The following METTL4 variants were observed in gnomAD, a reference collection of about 807,000 sequenced individuals.
The protein encoded by METTL4 is methyltransferase 4, N6-adenosine.
A neutral mutation model predicts 54.0 loss-of-function variants in METTL4; 40 were observed. The observed-to-expected ratio is 0.74, with a 90% CI of 0.58 to 0.96. METTL4 has a LOEUF of 0.96. Ranked by LOEUF, METTL4 falls within the 50% of genes least tolerant of loss-of-function variation. METTL4 has a pLI of 0.00. For missense variants in METTL4, 525 were observed against 549.0 expected (o/e 0.96, Z 0.44); for synonymous variants, 169 against 183.8 (o/e 0.92, Z 0.65).
intron 3 of METTL4, among the ~76,000 whole-genome samples, chr18:2,562,709 T>G (rs1451866725): frequency 6.6e-6 from 1 of 151,892 alleles, no homozygotes; most frequent in Non-Finnish European, 1.5e-5. Context: ...ATATGAAATA[T>G]CTACCATAGG....
intron 5 of METTL4, among the ~76,000 whole-genome samples, chr18:2,552,415 T>C (rs58168145): frequency 0.099 from 15,112 of 152,170 alleles, 1,310 homozygotes; most frequent in African/African-American, 0.23. Flanking sequence ...TAGAATTTGA[T>C]ATCAAAGAAG....
At chr18:2,558,858 C>A (rs541427348) in intron 3 of METTL4, among the ~76,000 whole-genome samples, 8 of 152,190 alleles carry the variant, frequency 5.3e-5, no homozygotes, top group South Asian at 2.1e-4. Flanking sequence ...AAATGGCCAA[C>A]AAGCACATAA....
chr18:2,544,317 A>T, intron 7 of METTL4, 31 bp from the exon 8 acceptor site: 1 of 1,536,134 alleles, frequency 6.5e-7, no homozygotes, highest in Non-Finnish European at 8.9e-7. Flanking sequence ...AGTAAACTAT[A>T]TTTTAAAAAA....
intron 3 of METTL4, among the ~76,000 whole-genome samples, chr18:2,562,797 G>A (rs2072341682): frequency 6.6e-6 from 1 of 152,126 alleles, no homozygotes; most frequent in Non-Finnish European, 1.5e-5. Flanking sequence ...ATTAAATAAT[G>A]GTAGAGTTCC....
In METTL4 at chr18:2,567,076, A is replaced by G. The variant is rs753134751; in HGVS notation, c.141T>C (p.Ser47=). ...AGGAGGACACAGAATCCATTTGAAG[A>G]GACTCAAAGTGAACAGAAGTAGTGA... is the stretch of plus-strand genomic sequence containing the variant. ...KEFTTSVHFE[S]LQMDSVSSSG... is the part of the protein sequence containing the mutation. Residue 47 remains serine (S), a synonymous_variant, in exon 2 of 9, where the codon TCT becomes TCC. Coordinates refer to ENST00000574538, the MANE Select transcript of METTL4 (RefSeq NM_022840.5). 6.2e-7 allele frequency: 1 copy of G among 1,614,212 alleles called. No individual in the cohort carries two copies. Among genetic ancestry groups the G allele is most frequent in the Non-Finnish European group, 8.5e-7 (1 of 1,180,036 alleles).
Position 2,563,819 on chromosome 18 carries a change from T to C in METTL4, c.437A>G (p.Asp146Gly), listed in dbSNP as rs1567979674. 2 of 1,610,164 alleles carry C rather than the reference T, an allele frequency of 1.2e-6. No individual in the cohort carries two copies. Among genetic ancestry groups the C allele is most frequent in the Non-Finnish European group, 1.7e-6 (2 of 1,177,998 alleles). The change falls in exon 3 of 9, where the codon GAT becomes GGT. Residue 146 changes from aspartate to glycine, a missense_variant. Asp to Gly is a moderately conservative substitution (Grantham distance 94, BLOSUM62 -1). Transcript: ENST00000574538. ...TACCTTTGTATGGTATTCCATAGCATCCAATTCACCTTGATTGAAAACAAC... is the reference window on the plus strand; with the variant it reads ...TACCTTTGTATGGTATTCCATAGCACCCAATTCACCTTGATTGAAAACAAC... The part of the protein sequence containing the change: ...RCVVFNQGEL[D>G]AMEYHTKIRE...
intron 2 of METTL4, 24 bp downstream of exon 2, chr18:2,566,793 AAAAT>A (rs1188519111): frequency 2.7e-6 from 4 of 1,476,288 alleles, no homozygotes; most frequent in Non-Finnish European, 3.6e-6. Context: ...TTTCTGGAGA[AAAAT>A]AAATATTTCT....
intron 3 of METTL4, among the ~76,000 whole-genome samples, chr18:2,556,342 C>T (rs1295045874): frequency 6.6e-6 from 1 of 151,806 alleles, no homozygotes; most frequent in Non-Finnish European, 1.5e-5. Flanking sequence ...CTGCTCTGAT[C>T]ATAACTAAAT....
At chr18:2,551,145 CA>C (rs1390255644) in intron 5 of METTL4, among the ~76,000 whole-genome samples, 1 of 101,158 alleles carries the variant, frequency 9.9e-6, no homozygotes, top group African/African-American at 4.1e-5. Flanking sequence ...GCCTGGGCGA[CA>C]GAACGAGACT....
intron 3 of METTL4, among the ~76,000 whole-genome samples, chr18:2,556,999 T>G (rs963444377): frequency 1.3e-5 from 2 of 152,080 alleles, no homozygotes; most frequent in Non-Finnish European, 2.9e-5. Context: ...TTTAAAACAT[T>G]AGGCAAGGAA....
intron 1 of METTL4, chr18:2,568,808 T>C (rs1598359789): frequency 9.8e-6 from 2 of 203,882 alleles, no homozygotes; most frequent in East Asian, 2.3e-4. Flanking sequence ...GTCTAGAAGA[T>C]GATAAAGACA....
chr18:2,547,552 A>T, intron 5 of METTL4, 23 bp from the exon 6 acceptor site: 1 of 1,539,246 alleles, frequency 6.5e-7, no homozygotes, highest in Non-Finnish European at 8.8e-7. Flanking sequence ...GGAAAAAAGG[A>T]TGAGCAAAAT....
At chr18:2,565,643 C>A (rs1316205548) in intron 2 of METTL4, among the ~76,000 whole-genome samples, 1 of 152,136 alleles carries the variant, frequency 6.6e-6, no homozygotes, top group Non-Finnish European at 1.5e-5. Flanking sequence ...TAATATCTTT[C>A]TTCTTCACCG....
chr18:2,544,589 TA>T, intron 7 of METTL4, 63 bp downstream of exon 7: 1 of 1,035,356 alleles, frequency 9.7e-7, no homozygotes, highest in Non-Finnish European at 1.5e-6. Context: ...CAATGATTAC[TA>T]ATCATTTTTA....
intron 8 of METTL4, 89 bp from the exon 9 acceptor site, chr18:2,539,234 T>A: frequency 9.6e-7 from 1 of 1,042,364 alleles, no homozygotes; most frequent in Non-Finnish European, 1.4e-6. Flanking sequence ...CAGAGAAATA[T>A]TTCATTTTGT....
intron 1 of METTL4, chr18:2,568,988 G>A: frequency 4.7e-6 from 1 of 213,988 alleles, no homozygotes; most frequent in South Asian, 8.6e-5. Context: ...GGACTCAAGA[G>A]CCATTTCAGT....
chr18:2,539,207 G>A, intron 8 of METTL4, 62 bp from the exon 9 acceptor site: 2 of 1,294,352 alleles, frequency 1.5e-6, no homozygotes, highest in South Asian at 2.5e-5. Flanking sequence ...CTTCCTTTTA[G>A]CAGTTAAGAG....
rs377473138 is a variant in METTL4, at chr18:2,539,093, A to G, written c.1326T>C (p.Ala442=). Residue 442 remains alanine (A), a synonymous_variant, in exon 9 of 9, where the codon GCT becomes GCC. Transcript: ENST00000574538. ...KPDGEYLELF[A]RNLQPGWTSW... is the part of the protein sequence containing the mutation. ...TAGTCCAACCTGGCTGTAAATTTCG[A>G]GCAAACAACTCCAAATATTCCCCAT... 6.1e-5 allele frequency: 99 copies of G among 1,614,068 alleles called. No individual in the cohort carries two copies. The Middle Eastern group carries it at 1.2e-3, about 19-fold the overall frequency.
chr18:2,566,821 C>G lies in METTL4; in HGVS notation c.396G>C (p.Lys132Asn), dbSNP rs750945200. 27 of 1,539,526 alleles carry G rather than the reference C, an allele frequency of 1.8e-5. No homozygotes were observed. Among genetic ancestry groups the G allele is most frequent in the Non-Finnish European group, 2.4e-5 (27 of 1,142,492 alleles). The change falls in exon 2 of 9, where the codon AAG becomes AAC. Residue 132 changes from lysine to asparagine, a missense_variant and splice_region_variant. Lys to Asn is a moderately conservative substitution (Grantham distance 94, BLOSUM62 0). Transcript: ENST00000574538. ...KKEISISIIG[K>N]KRKRCVVFNQ... ...ATAAATATTTCTTAAAACTTTCTAC[C>G]TTCCCAATAATAGAAATGGAGATTT...
Sources: allele counts gnomAD v4.1 joint callset (sites outside exome capture counted in the v4.1 genomes callset), GRCh38; gene constraint gnomAD v4.1.1; transcripts MANE v1.5; gene names NCBI Gene and HGNC (gene_info 2026-07-23, HGNC 2026-07-21).